The following HSD17B4 variants were observed in gnomAD, a reference collection of about 807,000 sequenced individuals.
The protein encoded by HSD17B4 is peroxisomal multifunctional enzyme type 2.
A neutral mutation model predicts 101.0 loss-of-function variants in HSD17B4; 70 were observed. The ratio of observed to expected loss-of-function variants is 0.69; its 90% CI spans 0.57 to 0.85. The LOEUF is 0.85. Among genes scored for constraint, HSD17B4 ranks in the 40% least tolerant of loss-of-function variants. The probability of loss-of-function intolerance (pLI) is 0.00; values close to 1 mark genes in which losing one functional copy is unlikely to be tolerated. For missense variants in HSD17B4, 984 were observed against 892.4 expected, an observed-to-expected ratio of 1.10 and a Z score of -1.31; for synonymous variants, 347 against 297.1, an observed-to-expected ratio of 1.17 and a Z score of -1.73.
At chr5:119,484,536 G>A (rs1749440153) in intron 8 of HSD17B4, among the ~76,000 whole-genome samples, 2 of 152,054 alleles carry the variant, frequency 1.3e-5, no homozygotes, top group African/African-American at 4.8e-5. Context: ...GTTGACTATG[G>A]AGAACTGTGG....
intron 14 of HSD17B4, among the ~76,000 whole-genome samples, chr5:119,503,112 G>GTGTGTA (rs1271186945): frequency 6.7e-6 from 1 of 148,518 alleles, no homozygotes; most frequent in Non-Finnish European, 1.5e-5. Flanking sequence ...GTGTGTGTGT[G>GTGTGTA]TGTATGTGTG....
In HSD17B4 at chr5:119,473,893, G is replaced by C. The variant is rs760349944; in HGVS notation, c.113-15G>C. The stretch of plus-strand genomic sequence containing the variant: ...TAGAATAATTAATTGTTGTTTGCTT[G>C]TTTTTGCATTACAGTGAATGATTTG... On this transcript the variant is annotated splice_polypyrimidine_tract_variant and intron_variant, in intron 2 of 23. Transcript: ENST00000510025. The C allele has an allele frequency of 2.8e-6, 4 of 1,420,362 alleles. No homozygotes were observed. The East Asian group carries it at 6.8e-5, about 24-fold the overall frequency. The allele number at this position is 1,420,362 out of a possible 1,614,324, so 88.0% of individuals were successfully genotyped here.
intron 13 of HSD17B4, among the ~76,000 whole-genome samples, chr5:119,499,837 G>A (rs1339689362): frequency 6.6e-6 from 1 of 152,078 alleles, no homozygotes; most frequent in East Asian, 1.9e-4. Context: ...TTGACCAAGG[G>A]TAAATAACAT....
At position 119,501,919 on chromosome 5, in the gene HSD17B4, A is replaced by G. The variant is rs1353776818; in HGVS notation, c.1210-122A>G. The stretch of plus-strand genomic sequence containing the variant: ...TTAAGAAGAAGCCAAACAGAGATAG[A>G]TAACTTGGAGAGAAATGTGAGCCTG... On this transcript the variant is annotated intron_variant, in intron 13 of 23. Coordinates refer to ENST00000510025, the MANE Select transcript of HSD17B4 (RefSeq NM_000414.4). 5 of 691,980 alleles carry G rather than the reference A, an allele frequency of 7.2e-6. No individual in the cohort carries two copies. In the East Asian group the frequency reaches 1.3e-4, roughly 17 times the overall value. The allele number at this position is 691,980 out of a possible 1,614,324, so 42.9% of individuals were successfully genotyped here. A position where few individuals can be genotyped will look rare whatever the true frequency, so the allele number is the denominator to read the frequency against.
intron 12 of HSD17B4, among the ~76,000 whole-genome samples, chr5:119,497,953 G>A (rs1357392947): frequency 6.6e-6 from 1 of 151,904 alleles, no homozygotes; most frequent in African/African-American, 2.4e-5. Flanking sequence ...GCTCTTTTGG[G>A]TCCGTTTCTT....
intron 20 of HSD17B4, among the ~76,000 whole-genome samples, chr5:119,529,356 T>G (rs1291066836): frequency 3.5e-4 from 54 of 152,212 alleles, no homozygotes; most frequent in Non-Finnish European, 2.9e-5. Flanking sequence ...ACACTTCCTC[T>G]TGAAATAAGA....
intron 17 of HSD17B4, among the ~76,000 whole-genome samples, chr5:119,519,651 C>A (rs1338907435): frequency 6.6e-6 from 1 of 152,156 alleles, no homozygotes; most frequent in Non-Finnish European, 1.5e-5. Flanking sequence ...TGATTGCATT[C>A]CAGATTTTGC....
rs1280821806 is a variant in HSD17B4 at position 119,455,566 on chromosome 5, CTCTA to C, written c.59-747_59-744del. On this transcript the variant is annotated intron_variant, in intron 1 of 23. Transcript: ENST00000510025. ...TTTCTCTCTCTCTCTCTCTCTCTCT[CTCTA>C]TATATATATATATAATTTCTTTTTG... Among the ~76,000 whole-genome samples, 207 of 120,050 alleles carry C rather than the reference CTCTA, an allele frequency of 1.7e-3. 1 individual carries two copies. The highest frequency in any genetic ancestry group is 5.8e-3 in the African/African-American group (194 of 33,716). The allele number at this position is 120,050 out of a possible 152,430, so 78.8% of individuals were successfully genotyped here.
chr5:119,523,351 G>T (rs1249500350), intron 17 of HSD17B4, among the ~76,000 whole-genome samples: 1 of 151,844 alleles, frequency 6.6e-6, no homozygotes, highest in Non-Finnish European at 1.5e-5. Context: ...TATTTATAAT[G>T]ACTTATTTCC....
intron 23 of HSD17B4, among the ~76,000 whole-genome samples, chr5:119,538,893 A>T (rs990572806): frequency 1.3e-5 from 2 of 152,106 alleles, no homozygotes; most frequent in African/African-American, 2.4e-5. Flanking sequence ...TTTACATTTT[A>T]CTTTTTGACT....
At chr5:119,507,539 T>G (rs1054147597) in intron 15 of HSD17B4, among the ~76,000 whole-genome samples, 21 of 152,120 alleles carry the variant, frequency 1.4e-4, no homozygotes, top group African/African-American at 4.3e-4. Context: ...ATCCTAGCAC[T>G]TTGGGAGGCT....
chr5:119,510,004 T>A (rs1752027940), intron 16 of HSD17B4, among the ~76,000 whole-genome samples: 1 of 152,218 alleles, frequency 6.6e-6, no homozygotes, highest in Non-Finnish European at 1.5e-5. Flanking sequence ...TAGTCAGTGC[T>A]CCCAAGCTGC....
intron 13 of HSD17B4, among the ~76,000 whole-genome samples, chr5:119,501,492 G>T (rs147076881): frequency 1.3e-5 from 2 of 152,104 alleles, no homozygotes; most frequent in Non-Finnish European, 2.9e-5. Context: ...TGGCTATTAA[G>T]TTACACAGTG....
rs368306010 is a variant in HSD17B4 at position 119,518,167 on chromosome 5, C to G, written c.1503+3121C>G. Among the ~76,000 whole-genome samples the G allele has an allele frequency of 1.3e-3, 194 of 152,250 alleles. 5 individuals carry two copies. In the South Asian group the frequency reaches 0.038, roughly 30 times the overall value. ...CTTTGCAATAAATCTTGCTACTGCT[C>G]ACTCTTTGGGTCCACACTGCTTTTA... On this transcript the variant is annotated intron_variant, in intron 17 of 23. Transcript: ENST00000510025.
At chr5:119,539,362 C>T (rs1487064978) in intron 23 of HSD17B4, among the ~76,000 whole-genome samples, 1 of 145,286 alleles carries the variant, frequency 6.9e-6, no homozygotes. Context: ...CGCATGTTCT[C>T]ACATGTGGGA....
chr5:119,477,040 A>G (rs574857934), intron 6 of HSD17B4, among the ~76,000 whole-genome samples: 66 of 152,154 alleles, frequency 4.3e-4, no homozygotes, highest in Non-Finnish European at 7.9e-4. Context: ...TTAATGAGCT[A>G]TGTGATTTAT....
At chr5:119,538,329 G>A (rs1754702275) in intron 23 of HSD17B4, among the ~76,000 whole-genome samples, 1 of 151,964 alleles carries the variant, frequency 6.6e-6, no homozygotes, top group East Asian at 1.9e-4. Context: ...TTCCTCTCTA[G>A]GGATATCACT....
intron 17 of HSD17B4, among the ~76,000 whole-genome samples, chr5:119,524,802 C>T (rs917586578): frequency 6.6e-6 from 1 of 151,962 alleles, no homozygotes; most frequent in African/African-American, 2.4e-5. Context: ...TTTCTATGTC[C>T]GATATTGTCT....
intron 16 of HSD17B4, among the ~76,000 whole-genome samples, chr5:119,513,330 A>T (rs978131454): frequency 6.6e-6 from 1 of 152,202 alleles, no homozygotes; most frequent in Admixed American, 6.5e-5. Context: ...ATATTAGATG[A>T]AGTAAATATA....
Sources: allele counts gnomAD v4.1 joint callset (sites outside exome capture counted in the v4.1 genomes callset), GRCh38; gene constraint gnomAD v4.1.1; transcripts MANE v1.5; gene names NCBI Gene and HGNC (gene_info 2026-07-23, HGNC 2026-07-21).